The following UBE2Q2 variants were observed in gnomAD, a reference collection of about 807,000 sequenced individuals.
The protein encoded by UBE2Q2 is ubiquitin-conjugating enzyme E2 Q2.
A neutral mutation model predicts 59.9 loss-of-function variants in UBE2Q2; 54 were observed. The observed-to-expected ratio is 0.90, with a 90% CI of 0.72 to 1.13. The LOEUF is 1.13. UBE2Q2 is among the 50% of genes most tolerant of loss of function. The pLI is 0.00. For synonymous variants in UBE2Q2, 165 were observed against 155.2 expected (o/e 1.06, Z -0.47); for missense variants, 433 against 441.9 (o/e 0.98, Z 0.18).
At chr15:75,895,467 GC>G (rs1899359410) in intron 11 of UBE2Q2, among the ~76,000 whole-genome samples, 1 of 151,966 alleles carries the variant, frequency 6.6e-6, no homozygotes, top group Admixed American at 6.6e-5. Context: ...ACAGGTGTGA[GC>G]CACCGTGCCT....
intron 4 of UBE2Q2, among the ~76,000 whole-genome samples, chr15:75,872,229 A>G (rs921689948): frequency 2.6e-5 from 4 of 152,098 alleles, no homozygotes; most frequent in African/African-American, 9.7e-5. Context: ...CTCCATCTCA[A>G]AAAATAAAAA....
chr15:75,843,714 C>T lies in UBE2Q2; in HGVS notation c.48C>T (p.Ile16=), dbSNP rs774214821. ...LKAELKFLAS[I]FDKNHERFRI... ...CCGAGCTGAAGTTCCTGGCGTCCAT[C>T]TTCGACAAGAACCACGAGCGATTCC... is the stretch of plus-strand genomic sequence containing the variant. The change falls in exon 1 of 13, where the codon ATC becomes ATT. Residue 16 remains isoleucine, a synonymous_variant. Transcript: ENST00000267938. The T allele has an allele frequency of 9.9e-6, 16 of 1,611,478 alleles. No homozygotes were observed. Among genetic ancestry groups the T allele is most frequent in the Admixed American group, 1.7e-5 (1 of 59,880 alleles).
chr15:75,854,308 C>A, intron 1 of UBE2Q2, 78 bp from the exon 2 acceptor site: 2 of 1,060,720 alleles, frequency 1.9e-6, no homozygotes, highest in South Asian at 1.6e-5. Context: ...GTCATCTTGC[C>A]GTTTAGTGGT....
At chr15:75,866,039 C>A (rs550979058) in intron 3 of UBE2Q2, among the ~76,000 whole-genome samples, 107 of 152,112 alleles carry the variant, frequency 7.0e-4, no homozygotes, top group Non-Finnish European at 1.4e-3. Flanking sequence ...ACGCTTTTAT[C>A]TTCTGATATT....
chr15:75,844,369 T>C lies in UBE2Q2; in HGVS notation c.180+523T>C, dbSNP rs761060364. On this transcript the variant is annotated intron_variant, in intron 1 of 12. Transcript: ENST00000267938. ...GAAACTGACAATGAGAATGGACTCG[T>C]TGACGGAGGAAAAGTTGGAATGCAG... is the stretch of plus-strand genomic sequence containing the variant. 4 of 1,551,100 alleles carry C rather than the reference T, an allele frequency of 2.6e-6. No individual in the cohort carries two copies. In the South Asian group the frequency reaches 3.6e-5, roughly 14 times the overall value.
intron 8 of UBE2Q2, among the ~76,000 whole-genome samples, chr15:75,880,266 C>T (rs1898330302): frequency 6.6e-6 from 1 of 151,800 alleles, no homozygotes; most frequent in Non-Finnish European, 1.5e-5. Flanking sequence ...GTGCATGTCA[C>T]CATGCCCGGC....
rs1241351854 is a variant in UBE2Q2 at position 75,859,766 on chromosome 15, C to T, written c.283-112C>T. 5 of 643,414 alleles carry T rather than the reference C, an allele frequency of 7.8e-6. No homozygotes were observed. The South Asian group carries it at 8.9e-5, about 11-fold the overall frequency. 39.9% of individuals were successfully genotyped at this position (643,414 alleles called of 1,614,324 possible). A position where few individuals can be genotyped will look rare whatever the true frequency, so the allele number is the denominator to read the frequency against. ...TTTAAATCTGTAAGCTGCAGTTGAG[C>T]AGTAACAAACTTTTTCATTTCCTAC... On this transcript the variant is annotated intron_variant, in intron 2 of 12. Transcript: ENST00000267938.
chr15:75,852,693 A>G (rs1285801007), intron 1 of UBE2Q2, among the ~76,000 whole-genome samples: 2 of 152,200 alleles, frequency 1.3e-5, no homozygotes, highest in African/African-American at 4.8e-5. Flanking sequence ...GTGTATTCCC[A>G]ATGTGTGCTG....
chr15:75,879,525 A>G (rs764247146), intron 8 of UBE2Q2, among the ~76,000 whole-genome samples: 35 of 152,214 alleles, frequency 2.3e-4, no homozygotes, highest in Non-Finnish European at 4.1e-4. Context: ...TCCAAAACCT[A>G]TTTTGTACAA....
At chr15:75,878,970 A>G in intron 7 of UBE2Q2, 128 bp from the exon 8 acceptor site, 1 of 578,488 alleles carries the variant, frequency 1.7e-6, no homozygotes, top group Non-Finnish European at 3.0e-6. Flanking sequence ...GCAGCTTTAG[A>G]CCTTCTCTTT....
chr15:75,852,861 T>A (rs1334458820), intron 1 of UBE2Q2, among the ~76,000 whole-genome samples: 1 of 152,252 alleles, frequency 6.6e-6, no homozygotes, highest in African/African-American at 2.4e-5. Context: ...GGTATACTAT[T>A]AATGATGTCC....
chr15:75,885,620 C>A (rs1898719277), intron 9 of UBE2Q2, among the ~76,000 whole-genome samples: 1 of 152,192 alleles, frequency 6.6e-6, no homozygotes. Context: ...TTTTGGAAAT[C>A]TGGAGTTCTG....
chr15:75,848,855 C>T (rs1298116135), intron 1 of UBE2Q2, among the ~76,000 whole-genome samples: 1 of 152,068 alleles, frequency 6.6e-6, no homozygotes, highest in African/African-American at 2.4e-5. Context: ...GTTATGTGAT[C>T]TCTTCTAGAA....
intron 12 of UBE2Q2, among the ~76,000 whole-genome samples, chr15:75,897,465 C>T (rs868817791): frequency 2.6e-5 from 4 of 152,004 alleles, no homozygotes; most frequent in East Asian, 1.9e-4. Flanking sequence ...GTGATCCGCC[C>T]GCCTCGGCCT....
chr15:75,849,134 A>G (rs1896506691), intron 1 of UBE2Q2, among the ~76,000 whole-genome samples: 1 of 152,202 alleles, frequency 6.6e-6, no homozygotes, highest in African/African-American at 2.4e-5. Flanking sequence ...GTTTATTTGT[A>G]AAATGATTAG....
intron 8 of UBE2Q2, among the ~76,000 whole-genome samples, chr15:75,879,919 T>C (rs1156988113): frequency 6.6e-6 from 1 of 152,076 alleles, no homozygotes. Flanking sequence ...AAGGAGTCCA[T>C]CTAGGTGGGA....
At chr15:75,849,696 A>G (rs1486520300) in intron 1 of UBE2Q2, among the ~76,000 whole-genome samples, 1 of 152,162 alleles carries the variant, frequency 6.6e-6, no homozygotes, top group Non-Finnish European at 1.5e-5. Flanking sequence ...TTCACAGACA[A>G]CTTCATTCTC....
At chr15:75,844,089 C>T in intron 1 of UBE2Q2, 1 of 1,416,428 alleles carries the variant, frequency 7.1e-7, no homozygotes, top group Non-Finnish European at 9.2e-7. Flanking sequence ...GGGCTTCTGG[C>T]CCATCTCGGT....
chr15:75,883,223 G>A, intron 8 of UBE2Q2, 143 bp from the exon 9 acceptor site: 1 of 714,094 alleles, frequency 1.4e-6, no homozygotes, highest in Non-Finnish European at 2.2e-6. Flanking sequence ...TTTCATTTTG[G>A]TTTTGGGTAC....
Sources: allele counts gnomAD v4.1 joint callset (sites outside exome capture counted in the v4.1 genomes callset), GRCh38; gene constraint gnomAD v4.1.1; transcripts MANE v1.5; gene names NCBI Gene and HGNC (gene_info 2026-07-23, HGNC 2026-07-21).